Variants in CHD4 observed in about 807,000 individuals in gnomAD.
CHD4 encodes the protein chromodomain helicase DNA binding protein 4.
A neutral mutation model predicts 235.5 loss-of-function variants in CHD4; 35 were observed. The observed-to-expected ratio is 0.15, with a 90% CI of 0.11 to 0.20. The LOEUF is 0.20. CHD4 is among the 10% of genes least tolerant of loss of function. The probability of loss-of-function intolerance (pLI) is 1.00; values close to 1 mark genes in which losing one functional copy is unlikely to be tolerated. For synonymous variants in CHD4, 900 were observed against 850.2 expected (o/e 1.06, Z -1.02); for missense variants, 1,329 against 2,432.3 (o/e 0.55, Z 9.54).
intron 25 of CHD4, among the ~76,000 whole-genome samples, chr12:6,586,083 G>C (rs1367256263): frequency 7.3e-5 from 11 of 151,164 alleles, no homozygotes; most frequent in African/African-American, 2.4e-4. Context: ...CTGGGCAACA[G>C]AGCAAGACTC....
At chr12:6,606,558 G>A (rs559048033) in intron 1 of CHD4, 107 bp from the exon 2 acceptor site, 20 of 496,176 alleles carry the variant, frequency 4.0e-5, no homozygotes, top group African/African-American at 3.9e-4. Flanking sequence ...ACCCTAGCAG[G>A]GCACCCGAAC....
intron 27 of CHD4, 33 bp from the exon 28 acceptor site, chr12:6,582,969 G>A (rs1164331929): frequency 9.3e-6 from 15 of 1,609,296 alleles, no homozygotes; most frequent in African/African-American, 1.3e-5. Context: ...GAGTGACACA[G>A]GTAGGATATT....
chr12:6,603,594 C>T (rs1948636444), intron 2 of CHD4, among the ~76,000 whole-genome samples: 1 of 151,882 alleles, frequency 6.6e-6, no homozygotes, highest in African/African-American at 2.4e-5. Flanking sequence ...TCATAGAAGC[C>T]TCCCCAAATT....
At position 6,595,889 on chromosome 12, in the gene CHD4, C is replaced by T. The variant is rs1048715942; in HGVS notation, c.2024+117G>A. On this transcript the variant is annotated intron_variant, in intron 13 of 39. Coordinates refer to ENST00000544040, the MANE Select transcript of CHD4 (RefSeq NM_001273.5). ...AGGAGAATCGTTTGAACCAGGAAGT[C>T]GGAGGTTGCAGTGAGTCAAGATCAC... 19 of 1,134,570 alleles carry T rather than the reference C, an allele frequency of 1.7e-5. No homozygotes were observed. The East Asian group carries it at 2.1e-4, about 12-fold the overall frequency. 70.3% of individuals were successfully genotyped at this position (1,134,570 alleles called of 1,614,324 possible). A position where few individuals can be genotyped will look rare whatever the true frequency, so the allele number is the denominator to read the frequency against.
At chr12:6,594,311 CAT>C (rs920528501) in intron 15 of CHD4, 146 bp downstream of exon 15, 1 of 641,464 alleles carries the variant, frequency 1.6e-6, no homozygotes, top group African/African-American at 1.8e-5. Context: ...CTACTAAACA[CAT>C]GTGTACATGT....
At chr12:6,595,773 A>T (rs1948480546) in intron 13 of CHD4, among the ~76,000 whole-genome samples, 1 of 143,156 alleles carries the variant, frequency 7.0e-6, no homozygotes, top group Non-Finnish European at 1.5e-5. Flanking sequence ...GGGGGACAAG[A>T]GCAAGACTTC....
At chr12:6,571,436 G>T in intron 38 of CHD4, 1 of 177,502 alleles carries the variant, frequency 5.6e-6, no homozygotes, top group South Asian at 1.4e-4. Context: ...GAATTTGAAG[G>T]GATCTTTTAT....
chr12:6,570,773 C>T, intron 39 of CHD4, 80 bp from the exon 40 acceptor site: 1 of 1,610,880 alleles, frequency 6.2e-7, no homozygotes, highest in Non-Finnish European at 8.5e-7. Context: ...TGATAGGCCA[C>T]CCACCCAGTA....
chr12:6,604,384 C>T (rs1948653464), intron 2 of CHD4, among the ~76,000 whole-genome samples: 1 of 152,286 alleles, frequency 6.6e-6, no homozygotes, highest in South Asian at 2.1e-4. Flanking sequence ...CTGAGCTAGA[C>T]AGATACTAGG....
At chr12:6,600,446 C>A (rs773838913) in intron 8 of CHD4, 51 bp from the exon 9 acceptor site, 14 of 1,607,764 alleles carry the variant, frequency 8.7e-6, no homozygotes, top group Non-Finnish European at 9.4e-6. Context: ...CTACCTCCCC[C>A]CACCCCCCGA....
intron 2 of CHD4, chr12:6,602,824 A>G (rs909933240): frequency 2.4e-5 from 5 of 212,300 alleles, no homozygotes; most frequent in Admixed American, 5.2e-5. Flanking sequence ...TCACCAAGTA[A>G]GAGAACTAGA....
rs1189419645 is a variant in CHD4, at chr12:6,581,437, A to G, written c.4682-49T>C. The G allele has an allele frequency of 3.8e-6, 6 of 1,578,908 alleles. No individual in the cohort carries two copies. In the Admixed American group the frequency reaches 8.3e-5, roughly 22 times the overall value. ...AATTAGGAAGAAGGTACTAGATCAG[A>G]GAGAAGGTCATTTCTTCCCAGTTTG... is the stretch of plus-strand genomic sequence containing the variant. On this transcript the variant is annotated intron_variant, in intron 31 of 39. Transcript: ENST00000544040.
chr12:6,601,615 T>A, intron 5 of CHD4, 33 bp downstream of exon 5: 2 of 1,613,512 alleles, frequency 1.2e-6, no homozygotes, highest in Non-Finnish European at 1.7e-6. Flanking sequence ...AGAAAGATTC[T>A]CCTCCCCCTT....
rs765113864 is a variant in CHD4, at chr12:6,587,367, CT to C, written c.3879+16del. 6.2e-7 allele frequency: 1 copy of C among 1,612,242 alleles called. No homozygotes were observed. On this transcript the variant is annotated intron_variant, in intron 25 of 39. Coordinates refer to ENST00000544040, the MANE Select transcript of CHD4 (RefSeq NM_001273.5). ...GACCAATTACCAAGCACAGGATTGC[CT>C]TGGATTCATACTCACCCCCATTTCT...
chr12:6,573,027 A>G, intron 38 of CHD4, 47 bp downstream of exon 38: 2 of 1,538,922 alleles, frequency 1.3e-6, no homozygotes, highest in Non-Finnish European at 1.8e-6. Context: ...GGATGCAGTC[A>G]GATCAGGGAG....
At position 6,583,362 on chromosome 12, in the gene CHD4, T is replaced by C; in HGVS notation, c.3896A>G (p.Glu1299Gly). Residue 1299 changes from glutamate to glycine, a missense_variant, in exon 26 of 40, where the codon GAA (glutamate) becomes GGA (glycine). Physicochemically the swap from Glu to Gly is moderately conservative, Grantham distance 98. Transcript: ENST00000544040. ...TTCTTCCTGTTTAATGATTTCCCGT[T>C]CTACCTCCTCTTCCTCCTGGGACAG... ...EEEMGEEEEVEREIIKQEESV... is the reference protein window; with the variant it reads ...EEEMGEEEEVGREIIKQEESV... 6.2e-7 allele frequency: 1 copy of C among 1,611,204 alleles called. No individual in the cohort carries two copies. The highest frequency in any genetic ancestry group is 8.5e-7 in the Non-Finnish European group (1 of 1,178,026).
intron 29 of CHD4, 131 bp from the exon 30 acceptor site, chr12:6,582,412 G>C: frequency 3.8e-6 from 5 of 1,311,574 alleles, no homozygotes; most frequent in Non-Finnish European, 5.2e-6. Context: ...ACCACTGCAC[G>C]GGAAGGCTGA....
chr12:6,589,691 C>T (rs1208142679), intron 22 of CHD4, among the ~76,000 whole-genome samples: 6 of 151,488 alleles, frequency 4.0e-5, no homozygotes, highest in East Asian at 1.9e-4. Flanking sequence ...GGCTTGAACC[C>T]GGGAGGCAGA....
chr12:6,572,874 T>TA (rs2136191231), intron 38 of CHD4, 200 bp downstream of exon 38: 22 of 489,692 alleles, frequency 4.5e-5, no homozygotes, highest in Admixed American at 9.1e-5. Context: ...GTCCATCTCT[T>TA]TAAAAAAAAA....
Sources: gnomAD v4.1 joint callset for allele counts (sites outside exome capture counted in the v4.1 genomes callset) on GRCh38, gnomAD v4.1.1 for gene constraint, MANE v1.5 for transcripts, NCBI Gene and HGNC (gene_info 2026-07-23, HGNC 2026-07-21) for gene names.